PHF3: variants seen among roughly 807,000 people sequenced by gnomAD.
PHF3 encodes PHD finger protein 3.
A neutral mutation model predicts 178.4 loss-of-function variants in PHF3; 41 were observed. That is an observed-to-expected ratio of 0.23 (90% CI 0.18 to 0.30). The LOEUF is 0.30. PHF3 is among the 10% of genes least tolerant of loss of function. The pLI, the probability that PHF3 is intolerant of heterozygous loss-of-function variation, is 1.00. For missense variants in PHF3, 2,346 were observed against 2,398.1 expected, an observed-to-expected ratio of 0.98 and a Z score of 0.45; for synonymous variants, 842 against 800.5, an observed-to-expected ratio of 1.05 and a Z score of -0.88.
intron 2 of PHF3, among the ~76,000 whole-genome samples, chr6:63,678,276 T>C (rs1377202835): frequency 6.6e-6 from 1 of 150,882 alleles, no homozygotes; most frequent in Admixed American, 6.6e-5. Flanking sequence ...AACAAAAACC[T>C]GAGGATGTAT....
At chr6:63,689,196 G>T (rs1766885231) in intron 4 of PHF3, among the ~76,000 whole-genome samples, 1 of 152,116 alleles carries the variant, frequency 6.6e-6, no homozygotes, top group Non-Finnish European at 1.5e-5. Flanking sequence ...TAAAATTAAT[G>T]CAACTTTTGA....
chr6:63,664,269 T>G (rs1216411102), intron 2 of PHF3, among the ~76,000 whole-genome samples: 1 of 152,226 alleles, frequency 6.6e-6, no homozygotes, highest in Non-Finnish European at 1.5e-5. Context: ...ACTGTATATC[T>G]GTATTTCCTC....
intron 4 of PHF3, among the ~76,000 whole-genome samples, chr6:63,687,532 T>C (rs12110746): frequency 0.012 from 1,838 of 152,350 alleles, 39 homozygotes; most frequent in African/African-American, 0.042. Flanking sequence ...ACCAGCCTTT[T>C]TCTCTCTGCC....
intron 2 of PHF3, among the ~76,000 whole-genome samples, chr6:63,656,046 G>C (rs1396852239): frequency 3.9e-5 from 6 of 152,212 alleles, no homozygotes; most frequent in African/African-American, 1.2e-4. Flanking sequence ...TGAACTCAGA[G>C]TTAAAACATA....
intron 4 of PHF3, among the ~76,000 whole-genome samples, chr6:63,689,455 GAAC>G (rs1766898531): frequency 6.6e-6 from 1 of 152,042 alleles, no homozygotes; most frequent in African/African-American, 2.4e-5. Context: ...TTTTCTTCTA[GAAC>G]AAATGATTCT....
rs769752354 is a variant in PHF3, at chr6:63,718,107, A to G, written c.*4399A>G. Among the ~76,000 whole-genome samples, 4 of 152,034 alleles carry G rather than the reference A, an allele frequency of 2.6e-5. No homozygotes were observed. The highest frequency in any genetic ancestry group is 4.4e-5 in the Non-Finnish European group (3 of 67,956). ...ATGAACTTTCCAGGATTTTAAGGTG[A>G]AAAATATATTTTCAAGTCATTTTGA... On this transcript the variant is annotated 3_prime_UTR_variant, in exon 16 of 16. Coordinates refer to ENST00000262043, the MANE Select transcript of PHF3 (RefSeq NM_001370348.2).
chr6:63,689,988 CAGTT>C (rs1186913565), intron 4 of PHF3, among the ~76,000 whole-genome samples: 3 of 152,128 alleles, frequency 2.0e-5, no homozygotes, highest in African/African-American at 7.2e-5. Context: ...CAAGAAATAG[CAGTT>C]AGCCCATTGT....
intron 4 of PHF3, among the ~76,000 whole-genome samples, chr6:63,688,767 T>A (rs562316266): frequency 1.6e-4 from 25 of 152,322 alleles, no homozygotes; most frequent in Non-Finnish European, 2.6e-4. Flanking sequence ...CCTATTCTAA[T>A]CCTTGTGTAA....
chr6:63,654,828 C>T (rs72884649), intron 2 of PHF3, among the ~76,000 whole-genome samples: 22 of 151,350 alleles, frequency 1.5e-4, no homozygotes, highest in Non-Finnish European at 2.9e-4. Context: ...TGGTTATGAC[C>T]CGTTGACTGA....
chr6:63,672,160 C>T lies in PHF3; in HGVS notation c.245-7840C>T, dbSNP rs139164356. ...CTGGCCAATATTTACAGTTTTTTAC[C>T]GAACCAAGTCTGTAATTAGTGGGCT... On this transcript the variant is annotated intron_variant, in intron 2 of 15. Transcript: ENST00000262043. 3.1e-3 allele frequency among the ~76,000 whole-genome samples: 471 copies of T among 152,210 alleles called. 3 individuals are homozygous for T. Among genetic ancestry groups the T allele is most frequent in the Non-Finnish European group, 5.8e-3 (392 of 68,022 alleles).
chr6:63,711,077 A>G (rs540486345), intron 14 of PHF3, 90 bp from the exon 15 acceptor site: 114 of 878,184 alleles, frequency 1.3e-4, no homozygotes, highest in African/African-American at 1.1e-3. Context: ...ATAAAGTTCA[A>G]TAGATTATTA....
intron 4 of PHF3, among the ~76,000 whole-genome samples, chr6:63,689,431 CTTCTGAGAAGAAATTTTCT>C (rs1766897222): frequency 6.6e-6 from 1 of 152,082 alleles, no homozygotes. Context: ...AACAAGAAAA[CTTCTGAGAAGAAATTTTCT>C]TCTAGAACAA....
intron 6 of PHF3, among the ~76,000 whole-genome samples, chr6:63,695,563 ATTTTG>A (rs888431279): frequency 1.3e-5 from 2 of 152,188 alleles, no homozygotes; most frequent in African/African-American, 4.8e-5. Context: ...CAGAGTTTAT[ATTTTG>A]TTCTGAATGT....
chr6:63,705,016 C>T (rs190056188), intron 11 of PHF3, among the ~76,000 whole-genome samples: 1 of 152,218 alleles, frequency 6.6e-6, no homozygotes, highest in Non-Finnish European at 1.5e-5. Context: ...TTTGCATTTT[C>T]CTGATGACAT....
intron 2 of PHF3, among the ~76,000 whole-genome samples, chr6:63,651,569 C>T (rs139730456): frequency 4.0e-3 from 608 of 152,226 alleles, no homozygotes; most frequent in Middle Eastern, 0.017. Flanking sequence ...ACCATGTTGA[C>T]CAGGCTGGTC....
At chr6:63,649,771 A>T (rs972820579) in intron 2 of PHF3, among the ~76,000 whole-genome samples, 1 of 152,148 alleles carries the variant, frequency 6.6e-6, no homozygotes, top group Non-Finnish European at 1.5e-5. Context: ...ATCTAATTGT[A>T]GTGTTTGCAT....
At chr6:63,678,039 A>G (rs556938168) in intron 2 of PHF3, among the ~76,000 whole-genome samples, 9 of 152,198 alleles carry the variant, frequency 5.9e-5, no homozygotes, top group African/African-American at 2.2e-4. Context: ...CCTGGCCAAC[A>G]TGGCTAAACC....
intron 2 of PHF3, among the ~76,000 whole-genome samples, chr6:63,667,759 C>A (rs1765742655): frequency 6.6e-6 from 1 of 152,178 alleles, no homozygotes; most frequent in African/African-American, 2.4e-5. Context: ...TGTCTCTTAG[C>A]AACATCCTGA....
intron 2 of PHF3, among the ~76,000 whole-genome samples, chr6:63,650,021 A>G (rs754264428): frequency 6.6e-6 from 1 of 152,242 alleles, no homozygotes; most frequent in Admixed American, 6.5e-5. Flanking sequence ...CAGCTAAGCT[A>G]TGATTCATAA....
Sources: gnomAD v4.1 joint callset for allele counts (sites outside exome capture counted in the v4.1 genomes callset) on GRCh38, gnomAD v4.1.1 for gene constraint, MANE v1.5 for transcripts, NCBI Gene and HGNC (gene_info 2026-07-23, HGNC 2026-07-21) for gene names.